The following RXFP1 variants were observed in gnomAD, a reference collection of about 807,000 sequenced individuals.
RXFP1 encodes the protein relaxin family peptide receptor 1, also known as relaxin receptor 1.
A neutral mutation model predicts 89.8 loss-of-function variants in RXFP1; 73 were observed. That is an observed-to-expected ratio of 0.81 (90% confidence interval 0.67 to 0.99). RXFP1 has a LOEUF of 0.99. RXFP1 is among the 50% of genes least tolerant of loss of function. The pLI is 0.00. For missense variants in RXFP1, 793 were observed against 895.5 expected (o/e 0.89, Z 1.46); for synonymous variants, 277 against 305.5 (o/e 0.91, Z 0.97).
chr4:158,650,348 CCA>C (rs1230837164), intron 17 of RXFP1, among the ~76,000 whole-genome samples: 4 of 151,524 alleles, frequency 2.6e-5, no homozygotes, highest in African/African-American at 9.7e-5. Flanking sequence ...ACTGAGCTGT[CCA>C]CTTAAAATGG....
intron 8 of RXFP1, among the ~76,000 whole-genome samples, chr4:158,615,030 A>G (rs1472922048): frequency 1.3e-5 from 2 of 152,156 alleles, no homozygotes; most frequent in Non-Finnish European, 2.9e-5. Flanking sequence ...ATTGTAGAGC[A>G]CAGGCAGAGT....
chr4:158,651,599 T>C (rs1772745982), intron 17 of RXFP1, among the ~76,000 whole-genome samples, 158 bp from the exon 18 acceptor site: 1 of 152,154 alleles, frequency 6.6e-6, no homozygotes, highest in South Asian at 2.1e-4. Context: ...TGGAAAGATA[T>C]CTTGGAAACA....
chr4:158,550,100 C>T (rs1749702764), intron 1 of RXFP1, among the ~76,000 whole-genome samples: 1 of 152,212 alleles, frequency 6.6e-6, no homozygotes, highest in Non-Finnish European at 1.5e-5. Flanking sequence ...TGGGCTCCAC[C>T]CAGTTCAAGC....
chr4:158,539,806 A>G (rs1746161016), intron 1 of RXFP1, among the ~76,000 whole-genome samples: 1 of 152,170 alleles, frequency 6.6e-6, no homozygotes, highest in Admixed American at 6.5e-5. Context: ...ACCTTGTCTC[A>G]GACTCTAACA....
At chr4:158,557,649 C>T (rs1025545887) in intron 1 of RXFP1, among the ~76,000 whole-genome samples, 1 of 152,180 alleles carries the variant, frequency 6.6e-6, no homozygotes, top group African/African-American at 2.4e-5. Context: ...CAGGCGTAAG[C>T]CACTGCGCCC....
chr4:158,531,534 T>C (rs1744048534), intron 1 of RXFP1, among the ~76,000 whole-genome samples: 1 of 152,140 alleles, frequency 6.6e-6, no homozygotes, highest in Non-Finnish European at 1.5e-5. Flanking sequence ...TTTTTGTCCT[T>C]TTTTTCCTCA....
rs574419899 is a variant in RXFP1, at chr4:158,642,471, G to T, written c.1116-2438G>T. Among the ~76,000 whole-genome samples, 3 of 152,180 alleles carry T rather than the reference G, an allele frequency of 2.0e-5. No homozygotes were observed. The South Asian group carries it at 6.2e-4, about 32-fold the overall frequency. ...TTCTCCTTACCCTCCCCAGCCTGTAGTATCCTCTGTTCTACTTTTACTTCT... is the reference window on the plus strand; with the variant it reads ...TTCTCCTTACCCTCCCCAGCCTGTATTATCCTCTGTTCTACTTTTACTTCT... On this transcript the variant is annotated intron_variant, in intron 14 of 17. Transcript: ENST00000307765.
chr4:158,606,765 T>A (rs1048584990), intron 5 of RXFP1, among the ~76,000 whole-genome samples: 7 of 151,734 alleles, frequency 4.6e-5, no homozygotes, highest in Non-Finnish European at 7.4e-5. Flanking sequence ...TTTTTTTTTT[T>A]TAGAGAGATA....
At chr4:158,575,121 G>GA (rs2150006456) in intron 2 of RXFP1, among the ~76,000 whole-genome samples, 1 of 152,158 alleles carries the variant, frequency 6.6e-6, no homozygotes, top group Middle Eastern at 3.4e-3. Flanking sequence ...CTTCTCAGTG[G>GA]AAAAAAAGCT....
At chr4:158,605,187 G>C in intron 5 of RXFP1, 48 bp downstream of exon 5, 2 of 1,203,202 alleles carry the variant, frequency 1.7e-6, no homozygotes, top group Non-Finnish European at 2.4e-6. Context: ...AGCATTTTTG[G>C]CCATGTCTTT....
chr4:158,584,434 CAA>C (rs1304841421), intron 2 of RXFP1, among the ~76,000 whole-genome samples: 12 of 105,832 alleles, frequency 1.1e-4, no homozygotes, highest in Admixed American at 2.0e-4. Context: ...ACTCTGTCTC[CAA>C]AAAAAAAAAA....
At chr4:158,614,300 G>T (rs1580075872) in intron 8 of RXFP1, among the ~76,000 whole-genome samples, 1 of 152,182 alleles carries the variant, frequency 6.6e-6, no homozygotes, top group Non-Finnish European at 1.5e-5. Context: ...GTCCTTTGAA[G>T]CTTTGAAGCC....
chr4:158,557,134 C>T (rs560779644), intron 1 of RXFP1, among the ~76,000 whole-genome samples: 2 of 152,190 alleles, frequency 1.3e-5, no homozygotes, highest in African/African-American at 2.4e-5. Context: ...ACACTAACTA[C>T]CCTAATTGAA....
In RXFP1 at chr4:158,546,106, T is replaced by G. The variant is rs533714643; in HGVS notation, c.49+24081T>G. ...AGCATGGAATGTTCTTCCATTTGTTTGTATCCTCTTTTATTTCATTGAGCA... is the reference window on the plus strand; with the variant it reads ...AGCATGGAATGTTCTTCCATTTGTTGGTATCCTCTTTTATTTCATTGAGCA... On this transcript the variant is annotated intron_variant, in intron 1 of 17. Coordinates refer to ENST00000307765, the MANE Select transcript of RXFP1 (RefSeq NM_021634.4). Among the ~76,000 whole-genome samples, 15 of 152,254 alleles carry G rather than the reference T, an allele frequency of 9.9e-5. No homozygotes were observed. The South Asian group carries it at 2.9e-3, about 29-fold the overall frequency.
intron 6 of RXFP1, among the ~76,000 whole-genome samples, chr4:158,611,475 G>A (rs1346183768): frequency 2.0e-5 from 3 of 152,170 alleles, no homozygotes; most frequent in Non-Finnish European, 4.4e-5. Flanking sequence ...TTTATCTCCT[G>A]TCTCTCCTTA....
intron 3 of RXFP1, among the ~76,000 whole-genome samples, chr4:158,595,026 C>A (rs1156606036): frequency 1.3e-5 from 2 of 152,164 alleles, no homozygotes; most frequent in East Asian, 3.9e-4. Flanking sequence ...GATATAAGCA[C>A]AATGTATTAT....
chr4:158,545,765 T>C (rs1364219049), intron 1 of RXFP1, among the ~76,000 whole-genome samples: 4 of 152,188 alleles, frequency 2.6e-5, no homozygotes, highest in African/African-American at 4.8e-5. Context: ...GCTGTAGATA[T>C]GCGGCATTAT....
At chr4:158,636,250 T>A (rs747158031) in intron 12 of RXFP1, among the ~76,000 whole-genome samples, 5 of 152,142 alleles carry the variant, frequency 3.3e-5, no homozygotes, top group Non-Finnish European at 7.4e-5. Context: ...TAACAATAAA[T>A]TCCCTTTAAA....
intron 1 of RXFP1, among the ~76,000 whole-genome samples, chr4:158,560,305 A>G (rs917179869): frequency 1.3e-5 from 2 of 152,216 alleles, no homozygotes; most frequent in African/African-American, 4.8e-5. Context: ...CAATCAGCCC[A>G]ACAGGGACCA....
Sources: gnomAD v4.1 joint callset for allele counts (sites outside exome capture counted in the v4.1 genomes callset) on GRCh38, gnomAD v4.1.1 for gene constraint, MANE v1.5 for transcripts, NCBI Gene and HGNC (gene_info 2026-07-23, HGNC 2026-07-21) for gene names.